Variants in NDST3 observed in about 807,000 individuals in gnomAD.
The protein encoded by NDST3 is N-deacetylase and N-sulfotransferase 3, also known as bifunctional heparan sulfate N-deacetylase/N-sulfotransferase 3.
In NDST3, 58 loss-of-function variants were observed where a neutral mutation model predicts 96.1. The ratio of observed to expected loss-of-function variants is 0.60; its 90% confidence interval spans 0.49 to 0.75. NDST3 has a LOEUF of 0.75. Among genes scored for constraint, NDST3 ranks in the 30% least tolerant of loss-of-function variants. NDST3 has a pLI of 0.00. For missense variants in NDST3, 788 were observed against 1,034.2 expected, an observed-to-expected ratio of 0.76 and a Z score of 3.27; for synonymous variants, 333 against 359.7, an observed-to-expected ratio of 0.93 and a Z score of 0.84.
chr4:118,194,265 G>C, intron 6 of NDST3: 1 of 724,270 alleles, frequency 1.4e-6, no homozygotes, highest in South Asian at 1.5e-5. Context: ...CCCTCATTGG[G>C]CCTGGGATAG....
intron 6 of NDST3, among the ~76,000 whole-genome samples, chr4:118,151,365 T>A (rs996898919): frequency 6.6e-6 from 1 of 152,012 alleles, no homozygotes; most frequent in African/African-American, 2.4e-5. Flanking sequence ...TGTGCACATG[T>A]ACCCTAAAAC....
intron 1 of NDST3, among the ~76,000 whole-genome samples, chr4:118,039,663 T>C (rs1349579758): frequency 6.6e-6 from 1 of 152,146 alleles, no homozygotes; most frequent in Non-Finnish European, 1.5e-5. Flanking sequence ...CAGGGAAGAC[T>C]TTTGTGAGGC....
intron 6 of NDST3, among the ~76,000 whole-genome samples, chr4:118,178,523 T>A (rs1736409097): frequency 6.6e-6 from 1 of 152,050 alleles, no homozygotes; most frequent in Admixed American, 6.6e-5. Context: ...TCTTCCTTTT[T>A]AAGACTGAGT....
At chr4:118,158,266 G>C (rs1308261964) in intron 6 of NDST3, among the ~76,000 whole-genome samples, 2 of 152,128 alleles carry the variant, frequency 1.3e-5, no homozygotes, top group Non-Finnish European at 1.5e-5. Context: ...TTGGAGAAAA[G>C]GCTAAATTCA....
chr4:118,194,289 T>C, intron 6 of NDST3: 2 of 731,500 alleles, frequency 2.7e-6, no homozygotes, highest in Non-Finnish European at 5.1e-6. Flanking sequence ...TCACCGCAAG[T>C]CTGTAATTCT....
At chr4:118,147,774 T>A (rs902709233) in intron 6 of NDST3, among the ~76,000 whole-genome samples, 4 of 152,182 alleles carry the variant, frequency 2.6e-5, no homozygotes, top group African/African-American at 9.6e-5. Context: ...GGAGCCATAT[T>A]ATCATCTCAT....
chr4:118,194,625 T>C lies in NDST3; in HGVS notation c.1540-29866T>C, dbSNP rs1037108201. The C allele has an allele frequency of 1.3e-5, 9 of 710,066 alleles. 1 individual carries two copies. Among genetic ancestry groups the C allele is most frequent in the African/African-American group, 1.2e-4 (7 of 57,158 alleles). The allele number at this position is 710,066 out of a possible 1,614,324, so 44.0% of individuals were successfully genotyped here. A position where few individuals can be genotyped will look rare whatever the true frequency, so the allele number is the denominator to read the frequency against. ...CAGTCCCCAATCATGGGCATCTCTGTACCTGTGCCCTCTCTCGATGACCTT... is the reference window on the plus strand; with the variant it reads ...CAGTCCCCAATCATGGGCATCTCTGCACCTGTGCCCTCTCTCGATGACCTT... On this transcript the variant is annotated intron_variant, in intron 6 of 13. Transcript: ENST00000296499.
intron 9 of NDST3, among the ~76,000 whole-genome samples, chr4:118,235,396 C>T (rs150408130): frequency 1.6e-4 from 25 of 152,196 alleles, no homozygotes; most frequent in African/African-American, 4.3e-4. Flanking sequence ...TAGAAAAATG[C>T]GGACATATAG....
At chr4:118,179,449 A>G (rs191945778) in intron 6 of NDST3, among the ~76,000 whole-genome samples, 7 of 152,174 alleles carry the variant, frequency 4.6e-5, no homozygotes, top group African/African-American at 1.7e-4. Flanking sequence ...TCATTCTGCC[A>G]TAATTACTAG....
chr4:118,126,145 C>A (rs368595896), intron 4 of NDST3, among the ~76,000 whole-genome samples: 1 of 151,996 alleles, frequency 6.6e-6, no homozygotes, highest in Non-Finnish European at 1.5e-5. Context: ...AAATGCTTCA[C>A]AAATTCAAAT....
At chr4:118,091,519 T>C (rs1202941744) in intron 2 of NDST3, among the ~76,000 whole-genome samples, 1 of 151,750 alleles carries the variant, frequency 6.6e-6, no homozygotes, top group Non-Finnish European at 1.5e-5. Flanking sequence ...GCATGGCAGT[T>C]TCGAAGGTAT....
intron 6 of NDST3, among the ~76,000 whole-genome samples, chr4:118,198,727 TA>T (rs35524586): frequency 0.46 from 69,298 of 150,258 alleles, 19,203 homozygotes; most frequent in African/African-American, 0.79. Context: ...GCATTTCTTG[TA>T]AAAAAAAAAG....
chr4:118,249,872 C>A (rs1741564486), intron 12 of NDST3, among the ~76,000 whole-genome samples: 2 of 152,040 alleles, frequency 1.3e-5, no homozygotes, highest in African/African-American at 4.8e-5. Context: ...GTACGTACCA[C>A]CAGAATCAAG....
intron 6 of NDST3, among the ~76,000 whole-genome samples, chr4:118,149,390 T>C (rs1734209068): frequency 1.3e-5 from 2 of 151,946 alleles, no homozygotes; most frequent in African/African-American, 4.8e-5. Context: ...CCCAAGAGCA[T>C]GGAATGTTCT....
intron 4 of NDST3, among the ~76,000 whole-genome samples, chr4:118,127,336 T>C (rs1425555549): frequency 2.0e-5 from 3 of 152,082 alleles, no homozygotes; most frequent in Middle Eastern, 3.2e-3. Context: ...GGTCTTATGT[T>C]TAAGTCTTTA....
intron 2 of NDST3, among the ~76,000 whole-genome samples, chr4:118,079,317 G>A (rs2125814834): frequency 1.3e-5 from 2 of 152,276 alleles, no homozygotes; most frequent in Admixed American, 1.3e-4. Context: ...GCAGAGTGGT[G>A]GAATATGCCA....
chr4:118,064,171 C>T (rs1336290545), intron 2 of NDST3, among the ~76,000 whole-genome samples: 1 of 152,132 alleles, frequency 6.6e-6, no homozygotes, highest in African/African-American at 2.4e-5. Flanking sequence ...GCCCATAATT[C>T]TGATAATCTC....
At chr4:118,076,246 A>G (rs903208533) in intron 2 of NDST3, among the ~76,000 whole-genome samples, 37 of 152,048 alleles carry the variant, frequency 2.4e-4, no homozygotes, top group African/African-American at 8.7e-4. Flanking sequence ...TTTCATGTCA[A>G]CTTTGGAGAA....
chr4:118,072,239 T>C (rs1727138742), intron 2 of NDST3, among the ~76,000 whole-genome samples: 1 of 152,084 alleles, frequency 6.6e-6, no homozygotes, highest in Non-Finnish European at 1.5e-5. Context: ...ATATGATTTT[T>C]AGAGTTTTTT....
Sources: gnomAD v4.1 joint callset for allele counts (sites outside exome capture counted in the v4.1 genomes callset) on GRCh38, gnomAD v4.1.1 for gene constraint, MANE v1.5 for transcripts, NCBI Gene and HGNC (gene_info 2026-07-23, HGNC 2026-07-21) for gene names.